Variants in CACNA2D4 observed in about 807,000 individuals in gnomAD.
CACNA2D4 encodes calcium voltage-gated channel auxiliary subunit alpha2delta 4.
In CACNA2D4, 157 loss-of-function variants were observed where a neutral mutation model predicts 163.8. That is an observed-to-expected ratio of 0.96 (90% CI 0.84 to 1.09). The LOEUF (loss-of-function observed/expected upper bound fraction) is 1.09. Among genes scored for constraint, CACNA2D4 ranks in the 50% least tolerant of loss-of-function variants. The probability of loss-of-function intolerance (pLI) is 0.00; values close to 1 mark genes in which losing one functional copy is unlikely to be tolerated. For missense variants in CACNA2D4, 1,410 were observed against 1,479.9 expected (o/e 0.95, Z 0.78); for synonymous variants, 598 against 586.9 (o/e 1.02, Z -0.27).
At chr12:1,818,916 C>A (rs1436231576) in intron 26 of CACNA2D4, among the ~76,000 whole-genome samples, 14 of 150,614 alleles carry the variant, frequency 9.3e-5, no homozygotes, top group Admixed American at 7.3e-4. Context: ...TATCTGCTGA[C>A]CTTCCCTCCA....
At chr12:1,797,662 C>T (rs573293460) in intron 34 of CACNA2D4, 127 bp from the exon 35 acceptor site, 1 of 756,214 alleles carries the variant, frequency 1.3e-6, no homozygotes. Flanking sequence ...AGGCAGTTCT[C>T]AGGACACGCG....
At position 1,909,917 on chromosome 12, in the gene CACNA2D4, C is replaced by A. The variant is rs1211673599; in HGVS notation, c.475G>T (p.Glu159Ter). The change falls in exon 4 of 38, where the codon GAA becomes TAA. Residue 159 changes from glutamate (E) to a stop codon, truncating the protein, a stop_gained. Coordinates refer to ENST00000382722, the MANE Select transcript of CACNA2D4 (RefSeq NM_172364.5). LOFTEE classifies it high-confidence loss of function. ...GGAGTGGGACTCACCACCAGGGATT[C>A]ATTGAATTCGTGGTTCAGGTCGGCC... ...EEADLNHEFN[E>*]SLVFDYYNSV... The A allele has an allele frequency of 6.2e-7, 1 of 1,613,594 alleles. No homozygotes were observed. The highest frequency in any genetic ancestry group is 8.5e-7 in the Non-Finnish European group (1 of 1,179,726).
chr12:1,912,587 AGG>A (rs59116959), intron 3 of CACNA2D4, among the ~76,000 whole-genome samples: 2 of 152,074 alleles, frequency 1.3e-5, no homozygotes, highest in East Asian at 1.9e-4. Context: ...AGGAGAGGGG[AGG>A]GGGGAGCTTG....
At chr12:1,836,690 AG>A (rs1246013279) in intron 26 of CACNA2D4, 1 of 152,708 alleles carries the variant, frequency 6.5e-6, no homozygotes, top group Non-Finnish European at 1.5e-5. Context: ...AGATTTTTAA[AG>A]GCAAAATTAT....
In CACNA2D4 at chr12:1,858,583, C is replaced by T; in HGVS notation, c.2002G>A (p.Glu668Lys). ...EYILLGNTSV[E>K]EGLHDLLHPD... ...GCCCCTGGTACCGACCCACCTTCTT[C>T]CACAGACGTGTTCCCCAGAAGGATG... Residue 668 changes from glutamate (E) to lysine (K), a missense_variant, in exon 20 of 38, where the codon GAA becomes AAA. Physicochemically the swap from Glu to Lys is moderately conservative, Grantham distance 56. Coordinates refer to ENST00000382722, the MANE Select transcript of CACNA2D4 (RefSeq NM_172364.5). The T allele has an allele frequency of 1.2e-6, 2 of 1,613,630 alleles. No individual in the cohort carries two copies. The highest frequency in any genetic ancestry group is 1.7e-6 in the Non-Finnish European group (2 of 1,179,678).
intron 6 of CACNA2D4, among the ~76,000 whole-genome samples, chr12:1,899,882 TA>T (rs1866496852): frequency 6.6e-6 from 1 of 152,098 alleles, no homozygotes; most frequent in Admixed American, 6.5e-5. Context: ...AACAAAATAT[TA>T]ATAAACCAAA....
At chr12:1,867,851 C>A (rs1287845526) in intron 18 of CACNA2D4, among the ~76,000 whole-genome samples, 1 of 152,090 alleles carries the variant, frequency 6.6e-6, no homozygotes, top group South Asian at 2.1e-4. Context: ...AAATGGCCAA[C>A]AGATATTTGA....
At chr12:1,900,433 C>T (rs1409494832) in intron 6 of CACNA2D4, among the ~76,000 whole-genome samples, 1 of 152,160 alleles carries the variant, frequency 6.6e-6, no homozygotes, top group African/African-American at 2.4e-5. Flanking sequence ...CTGCACCTGA[C>T]CAACAAAAAA....
At position 1,798,368 on chromosome 12, in the gene CACNA2D4, T is replaced by C. The variant is rs577873287; in HGVS notation, c.2996-833A>G. Among the ~76,000 whole-genome samples the C allele has an allele frequency of 5.9e-5, 9 of 152,168 alleles. No homozygotes were observed. The highest frequency in any genetic ancestry group is 1.2e-4 in the African/African-American group (5 of 41,536). ...GCAGGGAGCACAGGTGTGAGCTACC[T>C]TCCCAGGCTCATGCAGAGTCCTACA... On this transcript the variant is annotated intron_variant, in intron 34 of 37. Coordinates refer to ENST00000382722, the MANE Select transcript of CACNA2D4 (RefSeq NM_172364.5). The surrounding 1 kb of genome is among the most constrained non-coding windows in gnomAD (Gnocchi z 4.3).
chr12:1,825,046 A>G (rs1388382551), intron 26 of CACNA2D4, among the ~76,000 whole-genome samples: 1 of 152,238 alleles, frequency 6.6e-6, no homozygotes, highest in African/African-American at 2.4e-5. Flanking sequence ...AAACAATACC[A>G]GGATCAACAG....
At chr12:1,864,032 G>A (rs1263375626) in intron 18 of CACNA2D4, among the ~76,000 whole-genome samples, 1 of 152,238 alleles carries the variant, frequency 6.6e-6, no homozygotes, top group East Asian at 1.9e-4. Flanking sequence ...GTGAGTGGCC[G>A]GGCCCATCCC....
At chr12:1,870,540 G>A (rs768150691) in intron 18 of CACNA2D4, among the ~76,000 whole-genome samples, 1 of 151,820 alleles carries the variant, frequency 6.6e-6, no homozygotes, top group Non-Finnish European at 1.5e-5. Context: ...CCATCAAAAC[G>A]CATATCACAC....
rs568031686 is a variant in CACNA2D4, at chr12:1,898,125, T to C, written c.781+9315A>G. Reference sequence around the variant, plus strand: ...AACACACTTTTAAATAACTGAAATATGGAAGAAATCACAAAGAAATTTCAA... The same window carrying C: ...AACACACTTTTAAATAACTGAAATACGGAAGAAATCACAAAGAAATTTCAA... On this transcript the variant is annotated intron_variant, in intron 6 of 37. Transcript: ENST00000382722. Among the ~76,000 whole-genome samples the C allele has an allele frequency of 2.8e-3, 419 of 152,208 alleles. 2 individuals are homozygous for C. Among genetic ancestry groups the C allele is most frequent in the Middle Eastern group, 0.014 (4 of 294 alleles).
At chr12:1,805,886 TG>T (rs1331521370) in intron 29 of CACNA2D4, among the ~76,000 whole-genome samples, 1 of 152,200 alleles carries the variant, frequency 6.6e-6, no homozygotes, top group Non-Finnish European at 1.5e-5. Context: ...GAGCCTGGGC[TG>T]GGCGGGCCGC....
chr12:1,873,460 C>T (rs1053113587), intron 18 of CACNA2D4, among the ~76,000 whole-genome samples: 1 of 152,152 alleles, frequency 6.6e-6, no homozygotes, highest in African/African-American at 2.4e-5. Flanking sequence ...TTCCTGGGCA[C>T]TGGGGGAAAG....
At chr12:1,817,719 C>T (rs58761435) in intron 26 of CACNA2D4, among the ~76,000 whole-genome samples, 18,280 of 151,972 alleles carry the variant, frequency 0.12, 1,234 homozygotes, top group Admixed American at 0.2. Context: ...CTCCTAACCG[C>T]GAGTGATCCG....
In CACNA2D4 at chr12:1,800,021, A is replaced by T. The variant is rs1004386324; in HGVS notation, c.2953T>A (p.Trp985Arg). The change falls in exon 33 of 38, where the codon TGG (tryptophan) becomes AGG (arginine). Residue 985 changes from tryptophan to arginine, a missense_variant. By Grantham distance (101) the Trp-to-Arg change is moderately radical. Transcript: ENST00000382722. ...TCACCCTCGGCCCCTCTGTCGTACCAGGAGCCCCAGACACTCCACTCCAGC... is the reference window on the plus strand; with the variant it reads ...TCACCCTCGGCCCCTCTGTCGTACCTGGAGCCCCAGACACTCCACTCCAGC... ...FLLEWSVWGS[W>R]YDRGAEAKSV... 1 of 1,604,946 alleles carries T rather than the reference A, an allele frequency of 6.2e-7. No homozygotes were observed. Among genetic ancestry groups the T allele is most frequent in the African/African-American group, 1.3e-5 (1 of 74,764 alleles).
chr12:1,850,192 A>C (rs1865242378), intron 23 of CACNA2D4, among the ~76,000 whole-genome samples: 1 of 152,190 alleles, frequency 6.6e-6, no homozygotes, highest in African/African-American at 2.4e-5. Context: ...TCCCACCCAC[A>C]ATCTACGAGT....
intron 26 of CACNA2D4, chr12:1,823,414 G>T (rs567438378): frequency 1.3e-5 from 2 of 151,736 alleles, no homozygotes; most frequent in East Asian, 3.9e-4. Context: ...GTGAGTGAGT[G>T]CGTGCGGCTG....
Sources: allele counts gnomAD v4.1 joint callset (sites outside exome capture counted in the v4.1 genomes callset), GRCh38; gene constraint gnomAD v4.1.1; non-coding constraint Gnocchi (gnomAD v3.1); transcripts MANE v1.5; gene names NCBI Gene and HGNC (gene_info 2026-07-23, HGNC 2026-07-21).